Variants in CSMD1 observed in about 807,000 individuals in gnomAD.
CSMD1 encodes the protein CUB and Sushi multiple domains 1.
In CSMD1, 213 loss-of-function variants were observed where a neutral mutation model predicts 417.5. The ratio of observed to expected loss-of-function variants is 0.51; its 90% CI spans 0.46 to 0.57. The LOEUF (loss-of-function observed/expected upper bound fraction) is 0.57, where lower values mean the gene tolerates loss of function less well. Among genes scored for constraint, CSMD1 ranks in the 20% least tolerant of loss-of-function variants. CSMD1 has a pLI of 0.00. For missense variants in CSMD1, 6,923 were observed against 4,529.7 expected, an observed-to-expected ratio of 1.53 and a Z score of -15.17; for synonymous variants, 2,862 against 1,736.8, an observed-to-expected ratio of 1.65 and a Z score of -16.11.
chr8:4,157,501 A>C (rs373861734), intron 3 of CSMD1, among the ~76,000 whole-genome samples: 10 of 151,950 alleles, frequency 6.6e-5, no homozygotes, highest in Admixed American at 5.2e-4. Context: ...GCGGAGAAAG[A>C]GGCTCAAAGA....
At chr8:4,229,022 A>G (rs1361394217) in intron 3 of CSMD1, among the ~76,000 whole-genome samples, 1 of 152,140 alleles carries the variant, frequency 6.6e-6, no homozygotes, top group Non-Finnish European at 1.5e-5. Context: ...TGAGACACAT[A>G]TATCCGACTG....
At chr8:4,525,855 T>C (rs1408776270) in intron 2 of CSMD1, among the ~76,000 whole-genome samples, 2 of 152,136 alleles carry the variant, frequency 1.3e-5, no homozygotes, top group African/African-American at 4.8e-5. Flanking sequence ...GTGTCCACAG[T>C]TCCATCGTGA....
In CSMD1 at chr8:4,218,024, C is replaced by T. The variant is rs550665198; in HGVS notation, c.416-185925G>A. 4.7e-4 allele frequency among the ~76,000 whole-genome samples: 71 copies of T among 152,296 alleles called. 1 individual carries two copies. The highest frequency in any genetic ancestry group is 4.5e-3 in the Admixed American group (69 of 15,296). ...CAACCTCACAAAAAGAAAACCTATG[C>T]TTTACTGATGGGTTTCTGGCAGTGG... On this transcript the variant is annotated intron_variant, in intron 3 of 69. Coordinates refer to ENST00000635120, the MANE Select transcript of CSMD1 (RefSeq NM_033225.6).
intron 5 of CSMD1, among the ~76,000 whole-genome samples, chr8:3,947,457 T>C (rs1483936974): frequency 6.6e-6 from 1 of 152,186 alleles, no homozygotes; most frequent in African/African-American, 2.4e-5. Flanking sequence ...TTTTTCTGTT[T>C]TCGTTTCATC....
intron 3 of CSMD1, among the ~76,000 whole-genome samples, chr8:4,141,710 G>C (rs962556347): frequency 1.3e-5 from 2 of 151,050 alleles, no homozygotes; most frequent in South Asian, 4.2e-4. Context: ...AGGCAATTCT[G>C]ATCTAATAAT....
chr8:3,619,138 G>T (rs575173992), intron 7 of CSMD1, among the ~76,000 whole-genome samples: 1 of 146,816 alleles, frequency 6.8e-6, no homozygotes, highest in African/African-American at 2.8e-5. Context: ...CCAATGAGAA[G>T]ATGAGGTTAG....
rs377671210 is a variant in CSMD1, at chr8:4,870,797, C to T, written c.85+123535G>A. ...AACCCTGGTCCTCGGAAAATGCCAC[C>T]GAGGAAGAAAGAGCGAGGAGTGCAT... On this transcript the variant is annotated intron_variant, in intron 1 of 69. Coordinates refer to ENST00000635120, the MANE Select transcript of CSMD1 (RefSeq NM_033225.6). Among the ~76,000 whole-genome samples the T allele has an allele frequency of 3.3e-5, 5 of 152,212 alleles. No homozygotes were observed. The East Asian group carries it at 7.7e-4, about 24-fold the overall frequency.
intron 5 of CSMD1, among the ~76,000 whole-genome samples, chr8:3,913,975 G>A (rs942690544): frequency 6.6e-6 from 1 of 152,140 alleles, no homozygotes; most frequent in Non-Finnish European, 1.5e-5. Context: ...AAGTACTTTA[G>A]CCAATATTTA....
At chr8:3,510,693 T>A (rs573237698) in intron 10 of CSMD1, among the ~76,000 whole-genome samples, 1 of 98,392 alleles carries the variant, frequency 1.0e-5, no homozygotes, top group South Asian at 3.2e-4. Context: ...TTTTTAATGA[T>A]TGCCATTCTA....
intron 56 of CSMD1, 80 bp downstream of exon 56, chr8:2,974,371 A>G: frequency 1.6e-6 from 2 of 1,284,180 alleles, no homozygotes; most frequent in Non-Finnish European, 2.1e-6. Flanking sequence ...AAATAACTGT[A>G]AATCATCATT....
intron 3 of CSMD1, among the ~76,000 whole-genome samples, chr8:4,042,281 C>A (rs1797929886): frequency 1.3e-5 from 2 of 152,064 alleles, no homozygotes; most frequent in South Asian, 2.1e-4. Context: ...TTTAAAGCAT[C>A]CCTACTAGTG....
intron 5 of CSMD1, among the ~76,000 whole-genome samples, chr8:3,963,990 T>C (rs939234298): frequency 2.6e-5 from 4 of 152,124 alleles, no homozygotes; most frequent in Admixed American, 6.5e-5. Flanking sequence ...ACAGAATGAG[T>C]TGAAGCATCC....
At chr8:3,304,562 T>C (rs1395559230) in intron 25 of CSMD1, among the ~76,000 whole-genome samples, 1 of 152,176 alleles carries the variant, frequency 6.6e-6, no homozygotes, top group South Asian at 2.1e-4. Context: ...GGCTACCCTC[T>C]TAAGCTGCTT....
intron 1 of CSMD1, among the ~76,000 whole-genome samples, chr8:4,926,244 A>C (rs1389827252): frequency 6.6e-6 from 1 of 152,238 alleles, no homozygotes; most frequent in Non-Finnish European, 1.5e-5. Flanking sequence ...TCTTGTGGAC[A>C]CAATGAATAA....
intron 3 of CSMD1, among the ~76,000 whole-genome samples, chr8:4,382,896 A>C (rs1430332726): frequency 6.6e-6 from 1 of 152,178 alleles, no homozygotes; most frequent in Non-Finnish European, 1.5e-5. Context: ...TAAATTGTTC[A>C]AGAATACCTA....
intron 11 of CSMD1, 150 bp from the exon 12 acceptor site, chr8:3,468,974 A>T (rs970797738): frequency 3.7e-6 from 2 of 539,174 alleles, no homozygotes; most frequent in Admixed American, 3.4e-5. Context: ...CCTCTGGTCC[A>T]TTATATTAAT....
rs1584986573 is a variant in CSMD1 at position 3,629,847 on chromosome 8, C to T, written c.1010-13050G>A. 1.3e-5 allele frequency among the ~76,000 whole-genome samples: 2 copies of T among 152,182 alleles called. 1 individual carries two copies. The highest frequency in any genetic ancestry group is 1.3e-4 in the Admixed American group (2 of 15,278). On this transcript the variant is annotated intron_variant, in intron 7 of 69. Coordinates refer to ENST00000635120, the MANE Select transcript of CSMD1 (RefSeq NM_033225.6). ...CCGTCAGAAACACAGGGTTTGATGT[C>T]TCCACAAACAAAACTAGTTGTACAG...
chr8:3,529,652 A>C (rs1207770801), intron 10 of CSMD1, among the ~76,000 whole-genome samples: 1 of 152,230 alleles, frequency 6.6e-6, no homozygotes, highest in Admixed American at 6.5e-5. Flanking sequence ...GCTTTGAGGA[A>C]GAGTATCAGC....
At chr8:4,322,359 A>C (rs540964457) in intron 3 of CSMD1, among the ~76,000 whole-genome samples, 4 of 152,304 alleles carry the variant, frequency 2.6e-5, no homozygotes, top group Admixed American at 2.6e-4. Flanking sequence ...GAGAGAGTTT[A>C]AAGTGGAATT....
Sources: gnomAD v4.1 joint callset for allele counts (sites outside exome capture counted in the v4.1 genomes callset) on GRCh38, gnomAD v4.1.1 for gene constraint, MANE v1.5 for transcripts, NCBI Gene and HGNC (gene_info 2026-07-23, HGNC 2026-07-21) for gene names.